The following CLASP1 variants were observed in gnomAD, a reference collection of about 807,000 sequenced individuals.
The protein encoded by CLASP1 is cytoplasmic linker associated protein 1.
A neutral mutation model predicts 192.3 loss-of-function variants in CLASP1; 38 were observed. That is an observed-to-expected ratio of 0.20 (90% CI 0.15 to 0.26). The LOEUF (loss-of-function observed/expected upper bound fraction) is 0.26, where lower values mean the gene tolerates loss of function less well. Among genes scored for constraint, CLASP1 ranks in the 10% least tolerant of loss-of-function variants. CLASP1 has a pLI of 1.00. For missense variants in CLASP1, 1,433 were observed against 1,932.5 expected (o/e 0.74, Z 4.85); for synonymous variants, 691 against 712.8 (o/e 0.97, Z 0.49).
chr2:121,431,013 G>C (rs1433185607), intron 19 of CLASP1, among the ~76,000 whole-genome samples: 1 of 150,808 alleles, frequency 6.6e-6, no homozygotes, highest in Non-Finnish European at 1.5e-5. Flanking sequence ...GGTTTCGAGG[G>C]AGCACAAAAT....
chr2:121,584,630 CTTTT>C (rs910647515), intron 2 of CLASP1, among the ~76,000 whole-genome samples: 1 of 149,284 alleles, frequency 6.7e-6, no homozygotes, highest in African/African-American at 2.5e-5. Context: ...CCCCACAATT[CTTTT>C]TTTTTTCTGG....
At chr2:121,339,628 G>A (rs1356696767) in exon 40 of CLASP1, 2 of 152,180 alleles carry the variant, frequency 1.3e-5, no homozygotes, top group Non-Finnish European at 2.9e-5. Context: ...GGTTCGCTGA[G>A]GAGGAAGAGA....
chr2:121,366,896 C>T (rs2067515761), intron 35 of CLASP1, among the ~76,000 whole-genome samples: 1 of 152,188 alleles, frequency 6.6e-6, no homozygotes, highest in African/African-American at 2.4e-5. Context: ...GTAATGGACA[C>T]TGGTCTTAAC....
intron 26 of CLASP1, chr2:121,404,162 C>T (rs1263744641): frequency 8.5e-6 from 4 of 473,370 alleles, no homozygotes. Flanking sequence ...ACTTGAAACA[C>T]ACTTATTTAA....
chr2:121,528,583 A>G, intron 4 of CLASP1, 94 bp downstream of exon 4: 1 of 908,274 alleles, frequency 1.1e-6, no homozygotes, highest in Non-Finnish European at 1.8e-6. Context: ...AAGTCTATGG[A>G]GTCACACCAT....
At chr2:121,495,905 C>CA (rs1459517386) in intron 8 of CLASP1, among the ~76,000 whole-genome samples, 2 of 152,312 alleles carry the variant, frequency 1.3e-5, no homozygotes, top group Admixed American at 1.3e-4. Flanking sequence ...TTATTCTCCA[C>CA]AAAATCCCTG....
intron 2 of CLASP1, among the ~76,000 whole-genome samples, chr2:121,555,157 T>C (rs1411273477): frequency 6.6e-6 from 1 of 152,068 alleles, no homozygotes; most frequent in Non-Finnish European, 1.5e-5. Context: ...CCTCAGCAGG[T>C]CTCTCTGCGG....
At chr2:121,426,509 C>G (rs973643365) in intron 21 of CLASP1, among the ~76,000 whole-genome samples, 5 of 152,180 alleles carry the variant, frequency 3.3e-5, no homozygotes, top group South Asian at 4.1e-4. Flanking sequence ...AAAATTGTGT[C>G]TGTGTGTGTA....
chr2:121,621,327 A>G lies in CLASP1; in HGVS notation c.-285-15147T>C, dbSNP rs80083541. Among the ~76,000 whole-genome samples the G allele has an allele frequency of 1.6e-3, 236 of 152,204 alleles. 4 individuals are homozygous for G. The East Asian group carries it at 0.042, about 27-fold the overall frequency. On this transcript the variant is annotated intron_variant, in intron 1 of 39. Coordinates refer to ENST00000263710, the Ensembl canonical transcript of CLASP1. The stretch of plus-strand genomic sequence containing the variant: ...TTTTTTCTTTTTTAATAGAGATGGC[A>G]TCTCACTATGTTGCCCAGGCTGATC...
At chr2:121,577,102 G>A (rs1178407840) in intron 2 of CLASP1, among the ~76,000 whole-genome samples, 1 of 152,102 alleles carries the variant, frequency 6.6e-6, no homozygotes, top group African/African-American at 2.4e-5. Context: ...TTCTCCAGGG[G>A]ACTGGGGGGC....
intron 2 of CLASP1, among the ~76,000 whole-genome samples, chr2:121,605,301 AC>A (rs2064292471): frequency 6.6e-6 from 1 of 152,164 alleles, no homozygotes; most frequent in Admixed American, 6.5e-5. Context: ...ACACCTTATT[AC>A]CAATTCAATC....
intron 37 of CLASP1, 94 bp from the exon 39 acceptor site, chr2:121,348,812 T>C (rs2063802238): frequency 8.0e-6 from 9 of 1,118,124 alleles, no homozygotes; most frequent in Non-Finnish European, 1.1e-5. Context: ...CAAAGGACAA[T>C]GACCTCAATG....
rs201663446 is a variant in CLASP1 at position 121,538,784 on chromosome 2, C to CAA, written c.196-8461_196-8460dup. 5.8e-3 allele frequency among the ~76,000 whole-genome samples: 615 copies of CAA among 106,266 alleles called. 3 individuals are homozygous for CAA. The highest frequency in any genetic ancestry group is 0.021 in the African/African-American group (583 of 28,144). 69.7% of individuals were successfully genotyped at this position (106,266 alleles called of 152,430 possible). On this transcript the variant is annotated intron_variant, in intron 2 of 39. Transcript: ENST00000263710. ...TGGGCGACAGAGCAAGACTCAGTCT[C>CAA]AAAAAAAAAAAAACTACAAGATCTA...
chr2:121,525,242 T>C (rs1479426028), intron 6 of CLASP1, among the ~76,000 whole-genome samples: 1 of 152,178 alleles, frequency 6.6e-6, no homozygotes, highest in Admixed American at 6.5e-5. Context: ...CCCAGACTTG[T>C]ACAACTTTGT....
chr2:121,499,997 C>G (rs2093678490), intron 8 of CLASP1, among the ~76,000 whole-genome samples: 1 of 151,928 alleles, frequency 6.6e-6, no homozygotes, highest in African/African-American at 2.4e-5. Flanking sequence ...TGCAATAAGG[C>G]AAGAAAAAGA....
At chr2:121,363,043 T>G in intron 37 of CLASP1, 129 bp downstream of exon 38, 1 of 1,181,564 alleles carries the variant, frequency 8.5e-7, no homozygotes, top group Non-Finnish European at 1.2e-6. Context: ...CCACTCTGTA[T>G]TACGACATGG....
intron 1 of CLASP1, among the ~76,000 whole-genome samples, chr2:121,639,107 T>C (rs927712906): frequency 2.0e-5 from 3 of 152,108 alleles, no homozygotes; most frequent in Non-Finnish European, 2.9e-5. Flanking sequence ...AAACCCTGTC[T>C]CTACTAAAAA....
chr2:121,463,352 T>C (rs1034081390), intron 9 of CLASP1, among the ~76,000 whole-genome samples: 1 of 152,182 alleles, frequency 6.6e-6, no homozygotes, highest in Non-Finnish European at 1.5e-5. Flanking sequence ...TTACCACTCA[T>C]GTATCTGGTG....
chr2:121,629,252 T>C (rs1226652507), intron 1 of CLASP1, among the ~76,000 whole-genome samples: 1 of 151,904 alleles, frequency 6.6e-6, no homozygotes, highest in Non-Finnish European at 1.5e-5. Context: ...TAGCCTGGCA[T>C]GGTGGCAGGC....
Sources: gnomAD v4.1 joint callset for allele counts (sites outside exome capture counted in the v4.1 genomes callset) on GRCh38, gnomAD v4.1.1 for gene constraint, MANE v1.5 for transcripts, NCBI Gene and HGNC (gene_info 2026-07-23, HGNC 2026-07-21) for gene names.